EPB41: variants seen among roughly 807,000 people sequenced by gnomAD.
The protein encoded by EPB41 is erythrocyte membrane protein band 4.1.
A neutral mutation model predicts 108.0 loss-of-function variants in EPB41; 65 were observed. The ratio of observed to expected loss-of-function variants is 0.60; its 90% confidence interval spans 0.49 to 0.74. The LOEUF (loss-of-function observed/expected upper bound fraction) is 0.74, where lower values mean the gene tolerates loss of function less well. EPB41 is among the 30% of genes least tolerant of loss of function. The pLI, the probability that EPB41 is intolerant of heterozygous loss-of-function variation, is 0.00. For synonymous variants in EPB41, 336 were observed against 358.9 expected (o/e 0.94, Z 0.72); for missense variants, 875 against 1,037.0 (o/e 0.84, Z 2.15).
intron 16 of EPB41, among the ~76,000 whole-genome samples, chr1:29,079,422 T>G (rs1293469296): frequency 6.6e-6 from 1 of 151,824 alleles, no homozygotes; most frequent in Non-Finnish European, 1.5e-5. Flanking sequence ...TTACCTTTTT[T>G]TTTTTTTCTT....
At chr1:29,031,633 A>G (rs1043250540) in intron 8 of EPB41, among the ~76,000 whole-genome samples, 2 of 152,162 alleles carry the variant, frequency 1.3e-5, no homozygotes, top group African/African-American at 2.4e-5. Flanking sequence ...TAAGTTCTCC[A>G]GGTTGTTCTG....
intron 1 of EPB41, among the ~76,000 whole-genome samples, chr1:28,950,116 G>A (rs1382671839): frequency 6.6e-6 from 1 of 152,160 alleles, no homozygotes; most frequent in Non-Finnish European, 1.5e-5. Flanking sequence ...GTGTTAGTGT[G>A]TTGGATGTGT....
At chr1:28,952,849 C>T (rs1334288758) in intron 1 of EPB41, among the ~76,000 whole-genome samples, 1 of 152,062 alleles carries the variant, frequency 6.6e-6, no homozygotes, top group Non-Finnish European at 1.5e-5. Context: ...CTTGTCTTTT[C>T]CTGGAAACAA....
At chr1:29,023,186 G>C (rs1054940001) in intron 7 of EPB41, among the ~76,000 whole-genome samples, 1 of 151,530 alleles carries the variant, frequency 6.6e-6, no homozygotes, top group Non-Finnish European at 1.5e-5. Context: ...GCAGAGACAG[G>C]GTTTCACCAT....
intron 1 of EPB41, among the ~76,000 whole-genome samples, chr1:28,888,165 CG>C (rs1332204728): frequency 1.3e-5 from 2 of 152,218 alleles, no homozygotes; most frequent in Admixed American, 6.5e-5. Flanking sequence ...CGGGAACGGA[CG>C]ACCCCTTCTC....
In EPB41 at chr1:28,905,208, A is replaced by G. The variant is rs138819005; in HGVS notation, c.-8+17998A>G. Among the ~76,000 whole-genome samples the G allele has an allele frequency of 8.4e-3, 1,270 of 151,516 alleles. 10 individuals carry two copies. Among genetic ancestry groups the G allele is most frequent in the Middle Eastern group, 0.072 (21 of 290 alleles). On this transcript the variant is annotated intron_variant, in intron 1 of 16. Transcript: ENST00000347529. ...AGCAAGACTATGTCTCAAAAAGAAG[A>G]GACATCAGCTGGGTGCAGTGGCTCA...
chr1:28,967,164 G>C (rs1307283235), intron 1 of EPB41, among the ~76,000 whole-genome samples: 1 of 151,868 alleles, frequency 6.6e-6, no homozygotes. Flanking sequence ...GACTACAGGT[G>C]CCCGCCACCA....
chr1:29,068,719 T>C, intron 16 of EPB41: 1 of 1,231,848 alleles, frequency 8.1e-7, no homozygotes, highest in South Asian at 4.1e-5. Flanking sequence ...TTTATATAAT[T>C]TGTGTATGAC....
chr1:28,935,471 C>A (rs147477580), intron 1 of EPB41, among the ~76,000 whole-genome samples: 19,331 of 48,326 alleles, frequency 0.4, 3,755 homozygotes, highest in East Asian at 0.56. Flanking sequence ...ACACACACCC[C>A]CCCCCCCCCA....
chr1:29,027,985 C>T (rs1416662025), intron 7 of EPB41, among the ~76,000 whole-genome samples: 1 of 151,910 alleles, frequency 6.6e-6, no homozygotes, highest in African/African-American at 2.4e-5. Context: ...CCACCACGCC[C>T]AGCTAATTTT....
intron 9 of EPB41, 95 bp downstream of exon 9, chr1:29,033,340 C>G: frequency 1.4e-6 from 2 of 1,441,496 alleles, no homozygotes; most frequent in Non-Finnish European, 1.9e-6. Flanking sequence ...TCTGAGAAGT[C>G]TCTCTATAGT....
At chr1:28,917,676 G>T (rs2092782695) in intron 1 of EPB41, among the ~76,000 whole-genome samples, 1 of 151,972 alleles carries the variant, frequency 6.6e-6, no homozygotes, top group Non-Finnish European at 1.5e-5. Context: ...GAACTCCTGG[G>T]TTCAAGTGAT....
At chr1:28,902,175 A>G in intron 1 of EPB41, 1 of 985,276 alleles carries the variant, frequency 1.0e-6, no homozygotes, top group Non-Finnish European at 1.2e-6. Flanking sequence ...TGAGAGAAAA[A>G]GTGAGCGGTC....
intron 16 of EPB41, among the ~76,000 whole-genome samples, chr1:29,082,767 G>C (rs1401536478): frequency 6.6e-6 from 1 of 152,168 alleles, no homozygotes; most frequent in Admixed American, 6.6e-5. Flanking sequence ...GGTGAGTGCA[G>C]TGTAAAGGCA....
At chr1:29,058,746 T>C (rs898935114) in intron 13 of EPB41, 65 bp from the exon 14 acceptor site, 2 of 1,533,006 alleles carry the variant, frequency 1.3e-6, no homozygotes, top group African/African-American at 2.8e-5. Flanking sequence ...AAATGAAGGT[T>C]CAAACAAACT....
At chr1:29,112,686 A>G (rs775728444) in intron 19 of EPB41, among the ~76,000 whole-genome samples, 2 of 152,180 alleles carry the variant, frequency 1.3e-5, no homozygotes, top group Non-Finnish European at 2.9e-5. Context: ...ACTTGATTCA[A>G]TTGCTGGTTC....
chr1:29,033,587 A>C (rs1279261735), intron 9 of EPB41, among the ~76,000 whole-genome samples: 4 of 152,228 alleles, frequency 2.6e-5, no homozygotes, highest in Admixed American at 6.5e-5. Context: ...GGGATAAATT[A>C]CTCATGTTTG....
chr1:28,938,690 G>A (rs1482965042), intron 1 of EPB41, among the ~76,000 whole-genome samples: 7 of 151,832 alleles, frequency 4.6e-5, no homozygotes, highest in Non-Finnish European at 2.9e-5. Context: ...ATGTCACCAC[G>A]CCTGGCTAAT....
chr1:29,034,886 A>G (rs922087556), intron 9 of EPB41, among the ~76,000 whole-genome samples: 1 of 152,002 alleles, frequency 6.6e-6, no homozygotes, highest in African/African-American at 2.4e-5. Flanking sequence ...CAAAAAAATA[A>G]TAAGTGTGTC....
Sources: allele counts gnomAD v4.1 joint callset (sites outside exome capture counted in the v4.1 genomes callset), GRCh38; gene constraint gnomAD v4.1.1; transcripts MANE v1.5; gene names NCBI Gene and HGNC (gene_info 2026-07-23, HGNC 2026-07-21).